The following KYAT3 variants were observed in gnomAD, a reference collection of about 807,000 sequenced individuals.
KYAT3 encodes the protein kynurenine aminotransferase 3.
In KYAT3, 50 loss-of-function variants were observed where a neutral mutation model predicts 59.0. The observed-to-expected ratio is 0.85, with a 90% CI of 0.68 to 1.07. The LOEUF (loss-of-function observed/expected upper bound fraction) is 1.07. Among genes scored for constraint, KYAT3 ranks in the 50% least tolerant of loss-of-function variants. KYAT3 has a pLI of 0.00. For synonymous variants in KYAT3, 148 were observed against 177.0 expected (o/e 0.84, Z 1.30); for missense variants, 497 against 533.3 (o/e 0.93, Z 0.67).
At chr1:88,925,060 G>T in the KYAT3 span, among the ~76,000 whole-genome samples, 2 of 152,166 alleles carry the variant, frequency 1.3e-5, no homozygotes, top group African/African-American at 2.4e-5. Flanking sequence ...CTTCCAAAGC[G>T]GTGAGTAATA....
chr1:88,982,671 C>T lies in KYAT3; in HGVS notation c.99+5581G>A, dbSNP rs1677154911. On this transcript the variant is annotated intron_variant, in intron 2 of 13. Transcript: ENST00000260508. The stretch of plus-strand genomic sequence containing the variant: ...GTTTGTTTCTAGTATCTGCTTCTGC[C>T]TCCCCCTCTATCAGATCGGCTTCCT... 6.2e-7 allele frequency: 1 copy of T among 1,607,346 alleles called. No individual in the cohort carries two copies. The highest frequency in any genetic ancestry group is 1.1e-5 in the South Asian group (1 of 90,548).
chr1:88,925,682 A>AAGAGAGAGAGAGAG, the KYAT3 span, among the ~76,000 whole-genome samples: 1 of 147,990 alleles, frequency 6.8e-6, no homozygotes, highest in African/African-American at 2.5e-5. Context: ...AGAGAGATGG[A>AAGAGAGAGAGAGAG]AGAGAGAGAG....
At chr1:88,983,954 G>C in intron 2 of KYAT3, 3 of 1,041,758 alleles carry the variant, frequency 2.9e-6, no homozygotes, top group Non-Finnish European at 4.4e-6. Context: ...CCGCGAAGCC[G>C]CTAGCACTAC....
chr1:88,942,864 T>A, intron 13 of KYAT3, 141 bp downstream of exon 13: 1 of 664,712 alleles, frequency 1.5e-6, no homozygotes, highest in Non-Finnish European at 2.6e-6. Context: ...GCCCAGCCAG[T>A]AAGCAGTTAA....
rs1382588977 is a variant in KYAT3, at chr1:88,961,478, C to T, written c.569G>A (p.Ser190Asn). Residue 190 changes from serine (S) to asparagine (N), a missense_variant, in exon 7 of 14, where the codon AGT becomes AAT. Transcript: ENST00000260508. ...TTGAGGATCTAATGTCCAGTCAGAACTAGACCATCTTTTTCCATAAACAGG... is the reference window on the plus strand; with the variant it reads ...TTGAGGATCTAATGTCCAGTCAGAATTAGACCATCTTTTTCCATAAACAGG... Reference protein sequence around the residue: ...SKPVYGKRWSSSDWTLDPQEL... With the variant: ...SKPVYGKRWSNSDWTLDPQEL... The T allele has an allele frequency of 6.2e-7, 1 of 1,612,338 alleles. No homozygotes were observed. Among genetic ancestry groups the T allele is most frequent in the Non-Finnish European group, 8.5e-7 (1 of 1,179,130 alleles).
At chr1:88,950,227 C>A (rs1047211496) in intron 10 of KYAT3, among the ~76,000 whole-genome samples, 1 of 152,124 alleles carries the variant, frequency 6.6e-6, no homozygotes, top group Non-Finnish European at 1.5e-5. Flanking sequence ...AAGGACCAGG[C>A]AGGTAAGAGA....
At chr1:88,968,867 CT>C in intron 3 of KYAT3, 53 bp from the exon 4 acceptor site, 2 of 1,354,968 alleles carry the variant, frequency 1.5e-6, no homozygotes, top group Non-Finnish European at 2.0e-6. Flanking sequence ...ATAAAGTTCG[CT>C]TTTTTATATC....
At chr1:88,921,364 G>C in the KYAT3 span, among the ~76,000 whole-genome samples, 1 of 152,196 alleles carries the variant, frequency 6.6e-6, no homozygotes, top group Non-Finnish European at 1.5e-5. Flanking sequence ...AGGAACTGGA[G>C]AAATTAGGTA....
At chr1:88,982,795 T>C (rs1677167537) in intron 2 of KYAT3, 1 of 1,614,002 alleles carries the variant, frequency 6.2e-7, no homozygotes. Context: ...GCCCTCTTTC[T>C]TGTCTGCCAA....
At chr1:88,961,932 A>G in intron 6 of KYAT3, 127 bp downstream of exon 6, 1 of 690,944 alleles carries the variant, frequency 1.4e-6, no homozygotes, top group Non-Finnish European at 2.6e-6. Context: ...CAACTAGACA[A>G]ATAGAGATAT....
intron 4 of KYAT3, among the ~76,000 whole-genome samples, chr1:88,967,373 A>C (rs1406587737): frequency 6.6e-6 from 1 of 152,026 alleles, no homozygotes; most frequent in African/African-American, 2.4e-5. Flanking sequence ...CTTTCTGAAT[A>C]AATGTGTGCA....
At chr1:88,960,743 T>A (rs548931100) in intron 8 of KYAT3, among the ~76,000 whole-genome samples, 1 of 152,266 alleles carries the variant, frequency 6.6e-6, no homozygotes, top group East Asian at 1.9e-4. Flanking sequence ...AATGGCTGAA[T>A]CTCAAGCAAG....
chr1:88,940,629 C>A (rs926663288), intron 13 of KYAT3, among the ~76,000 whole-genome samples: 1 of 152,176 alleles, frequency 6.6e-6, no homozygotes, highest in Non-Finnish European at 1.5e-5. Flanking sequence ...GACCACAGTT[C>A]TTACCAAATA....
At chr1:88,944,568 C>G (rs900012651) in intron 11 of KYAT3, among the ~76,000 whole-genome samples, 26 of 152,096 alleles carry the variant, frequency 1.7e-4, no homozygotes, top group African/African-American at 6.0e-4. Context: ...AATGATAATC[C>G]TCTGTTTACA....
Position 88,961,603 on chromosome 1 carries a change from G to A in KYAT3, c.541-97C>T, listed in dbSNP as rs1045856896. The A allele has an allele frequency of 3.6e-5, 39 of 1,081,450 alleles. No homozygotes were observed. The African/African-American group carries it at 6.2e-4, about 17-fold the overall frequency. The allele number at this position is 1,081,450 out of a possible 1,614,324, so 67.0% of individuals were successfully genotyped here. A position where few individuals can be genotyped will look rare whatever the true frequency, so the allele number is the denominator to read the frequency against. On this transcript the variant is annotated intron_variant, in intron 6 of 13. Coordinates refer to ENST00000260508, the MANE Select transcript of KYAT3 (RefSeq NM_001008661.3). ...AATAAGGAAAAAAACATCAAAGAAAGTCATGGCAAAGGAAACTGAATAAAT... is the reference window on the plus strand; with the variant it reads ...AATAAGGAAAAAAACATCAAAGAAAATCATGGCAAAGGAAACTGAATAAAT...
rs1016929202 is a variant in KYAT3 at position 88,936,031 on chromosome 1, G to C, written c.*152C>G. 4 of 535,610 alleles carry C rather than the reference G, an allele frequency of 7.5e-6. No homozygotes were observed. Among genetic ancestry groups the C allele is most frequent in the African/African-American group, 7.5e-5 (4 of 53,572 alleles). 33.2% of individuals were successfully genotyped at this position (535,610 alleles called of 1,614,324 possible). On this transcript the variant is annotated 3_prime_UTR_variant, in exon 14 of 14. Coordinates refer to ENST00000260508, the MANE Select transcript of KYAT3 (RefSeq NM_001008661.3). ...AAAGGTCAGATCCCCCGAAAATGTTGTTAGGAGTTGGGTTAACTGCTTTGG... is the reference window on the plus strand; with the variant it reads ...AAAGGTCAGATCCCCCGAAAATGTTCTTAGGAGTTGGGTTAACTGCTTTGG...
rs1351907450 is a variant in KYAT3 at position 88,948,758 on chromosome 1, A to T, written c.1141+333T>A. ...GTACATTTTGTTAAGTAAAAAGGAA[A>T]CTACAATTTTACTCAAATGAACACT... On this transcript the variant is annotated intron_variant, in intron 11 of 13. Coordinates refer to ENST00000260508, the MANE Select transcript of KYAT3 (RefSeq NM_001008661.3). 2.0e-5 allele frequency among the ~76,000 whole-genome samples: 3 copies of T among 152,342 alleles called. No individual in the cohort carries two copies. The South Asian group carries it at 6.2e-4, about 32-fold the overall frequency.
chr1:88,986,158 G>A (rs1677437873), intron 2 of KYAT3, among the ~76,000 whole-genome samples: 1 of 150,426 alleles, frequency 6.6e-6, no homozygotes, highest in African/African-American at 2.4e-5. Context: ...TCCAGCCTGG[G>A]CGGCAAGAGT....
chr1:88,964,288 G>T (rs190984720), intron 5 of KYAT3, among the ~76,000 whole-genome samples: 88 of 152,290 alleles, frequency 5.8e-4, no homozygotes, highest in Non-Finnish European at 1.1e-3. Context: ...TCAAAAACTT[G>T]TAGACCAAGT....
Sources: gnomAD v4.1 joint callset for allele counts (sites outside exome capture counted in the v4.1 genomes callset) on GRCh38, gnomAD v4.1.1 for gene constraint, MANE v1.5 for transcripts, NCBI Gene and HGNC (gene_info 2026-07-23, HGNC 2026-07-21) for gene names.